The following PCNX2 variants were observed in gnomAD, a reference collection of about 807,000 sequenced individuals.
PCNX2 encodes the protein pecanex-like protein 2.
A neutral mutation model predicts 223.8 loss-of-function variants in PCNX2; 168 were observed. That is an observed-to-expected ratio of 0.75 (90% CI 0.66 to 0.85). PCNX2 has a LOEUF of 0.85. PCNX2 is among the 40% of genes least tolerant of loss of function. PCNX2 has a pLI of 0.00. For missense variants in PCNX2, 2,507 were observed against 2,675.5 expected (o/e 0.94, Z 1.39); for synonymous variants, 1,006 against 1,052.6 (o/e 0.96, Z 0.86).
intron 25 of PCNX2, among the ~76,000 whole-genome samples, chr1:233,049,482 C>T (rs1166607736): frequency 6.6e-6 from 1 of 151,992 alleles, no homozygotes; most frequent in Non-Finnish European, 1.5e-5. Context: ...AGAAAGAATA[C>T]ACCTCAAAAT....
At chr1:233,281,036 G>A (rs1403485576) in intron 1 of PCNX2, among the ~76,000 whole-genome samples, 1 of 152,166 alleles carries the variant, frequency 6.6e-6, no homozygotes. Context: ...CAGATATGCT[G>A]TTGTAAGAAG....
chr1:233,010,139 T>C (rs1007103177), intron 28 of PCNX2, among the ~76,000 whole-genome samples: 51 of 152,224 alleles, frequency 3.4e-4, no homozygotes, highest in African/African-American at 1.1e-3. Context: ...GATGACCCAC[T>C]GTGACATGAC....
intron 10 of PCNX2, among the ~76,000 whole-genome samples, chr1:233,218,501 T>C (rs1005829292): frequency 2.6e-5 from 4 of 152,168 alleles, no homozygotes; most frequent in South Asian, 4.1e-4. Flanking sequence ...CTGCCCTCCT[T>C]GGCCTCCCAA....
At chr1:233,004,075 CAAACCACCATGGTACGT>C (rs1670189480) in intron 28 of PCNX2, among the ~76,000 whole-genome samples, 1 of 151,788 alleles carries the variant, frequency 6.6e-6, no homozygotes, top group Admixed American at 6.6e-5. Context: ...ATGGGTGCAG[CAAACCACCATGGTACGT>C]GTATACCTGC....
At chr1:233,083,356 C>T (rs978980647) in intron 23 of PCNX2, among the ~76,000 whole-genome samples, 3 of 152,132 alleles carry the variant, frequency 2.0e-5, no homozygotes, top group East Asian at 1.9e-4. Flanking sequence ...TAGGACTCAG[C>T]GTCTTGATGC....
intron 25 of PCNX2, among the ~76,000 whole-genome samples, chr1:233,035,815 C>T (rs930064349): frequency 6.6e-6 from 1 of 152,178 alleles, no homozygotes; most frequent in African/African-American, 2.4e-5. Flanking sequence ...CTTCCACAGC[C>T]CAGAGTGCGC....
chr1:233,315,059 C>T, the PCNX2 span, among the ~76,000 whole-genome samples: 1 of 152,120 alleles, frequency 6.6e-6, no homozygotes, highest in Middle Eastern at 3.2e-3. Flanking sequence ...AAGGGCACAT[C>T]GTAATGCAGA....
chr1:233,234,112 G>A (rs952049123), intron 9 of PCNX2, among the ~76,000 whole-genome samples: 5 of 152,160 alleles, frequency 3.3e-5, no homozygotes, highest in African/African-American at 1.2e-4. Context: ...CTTGTAGGCA[G>A]GGACTGAGTC....
In PCNX2 at chr1:233,001,498, A is replaced by G. The variant is rs1670084247; in HGVS notation, c.5097+39T>C. The G allele has an allele frequency of 1.9e-5, 21 of 1,110,682 alleles. No individual in the cohort carries two copies. In the East Asian group the frequency reaches 8.8e-4, roughly 46 times the overall value. The allele number at this position is 1,110,682 out of a possible 1,614,324, so 68.8% of individuals were successfully genotyped here. ...CCATCTCATAAATAAATAAATAAATAAATAAATAAATAAATAAATAAATAA... is the reference window on the plus strand; with the variant it reads ...CCATCTCATAAATAAATAAATAAATGAATAAATAAATAAATAAATAAATAA... On this transcript the variant is annotated intron_variant, in intron 29 of 33. Transcript: ENST00000258229. This position sits in a 1 kb window ranked among gnomAD's most constrained non-coding sequence, Gnocchi z 4.2.
the PCNX2 span, among the ~76,000 whole-genome samples, chr1:233,322,670 T>C: frequency 6.6e-6 from 1 of 152,080 alleles, no homozygotes; most frequent in Non-Finnish European, 1.5e-5. Flanking sequence ...GAGATTTGTT[T>C]TGGCAGGCAG....
At chr1:233,303,221 T>A in the PCNX2 span, among the ~76,000 whole-genome samples, 6 of 152,128 alleles carry the variant, frequency 3.9e-5, no homozygotes, top group Non-Finnish European at 7.4e-5. Context: ...TCTACAGAAC[T>A]AAGTGAGAAA....
At chr1:233,259,904 T>A (rs1170468096) in intron 4 of PCNX2, 4 of 741,228 alleles carry the variant, frequency 5.4e-6, no homozygotes, top group Non-Finnish European at 6.6e-6. Context: ...CAATACAGTA[T>A]AACAACTATA....
At chr1:233,285,005 C>T (rs1412473646) in intron 1 of PCNX2, 1 of 984,750 alleles carries the variant, frequency 1.0e-6, no homozygotes, top group African/African-American at 1.7e-5. Flanking sequence ...GAGCAGGACC[C>T]CCTGCTAACC....
intron 21 of PCNX2, chr1:233,112,717 TA>T: frequency 4.4e-6 from 3 of 684,092 alleles, no homozygotes; most frequent in Admixed American, 5.1e-5. Flanking sequence ...CTTTGAACAA[TA>T]TAACTAAATT....
chr1:233,266,558 T>C (rs1401986593), intron 1 of PCNX2, among the ~76,000 whole-genome samples: 2 of 152,138 alleles, frequency 1.3e-5, no homozygotes, highest in African/African-American at 4.8e-5. Flanking sequence ...TAGCTTCCAG[T>C]ATTTTCTCTC....
chr1:233,179,107 A>G lies in PCNX2; in HGVS notation c.3135T>C (p.Ser1045=), dbSNP rs1679648595. ...CACTGCTCTGACGGCTCAGATGGTA[A>G]GAAAGGGCGACCAAGAGGCCACAGA... ...SAFCGLLVAL[S]YHLSRQSSDP... The change falls in exon 16 of 34, where the codon TCT becomes TCC. Residue 1045 remains serine (S), a synonymous_variant. Coordinates refer to ENST00000258229, the MANE Select transcript of PCNX2 (RefSeq NM_014801.4). 6 of 1,613,806 alleles carry G rather than the reference A, an allele frequency of 3.7e-6. No individual in the cohort carries two copies. The African/African-American group carries it at 6.7e-5, about 18-fold the overall frequency.
At chr1:233,326,462 T>A in the PCNX2 span, among the ~76,000 whole-genome samples, 1 of 152,222 alleles carries the variant, frequency 6.6e-6, no homozygotes, top group African/African-American at 2.4e-5. Flanking sequence ...TGTAAAACTA[T>A]TAACTCATTT....
intron 15 of PCNX2, among the ~76,000 whole-genome samples, chr1:233,193,141 T>C (rs1318131864): frequency 6.7e-6 from 1 of 149,536 alleles, no homozygotes; most frequent in African/African-American, 2.4e-5. Flanking sequence ...CTAGTATAAT[T>C]CCTAGTACAC....
intron 19 of PCNX2, among the ~76,000 whole-genome samples, chr1:233,158,621 A>C (rs1020886670): frequency 1.3e-5 from 2 of 152,208 alleles, no homozygotes; most frequent in African/African-American, 4.8e-5. Context: ...GTATAGATAT[A>C]GACAAAAGTA....
Sources: gnomAD v4.1 joint callset for allele counts (sites outside exome capture counted in the v4.1 genomes callset) on GRCh38, gnomAD v4.1.1 for gene constraint, Gnocchi (gnomAD v3.1) non-coding constraint, MANE v1.5 for transcripts, NCBI Gene and HGNC (gene_info 2026-07-23, HGNC 2026-07-21) for gene names.